The following RAB27A variants were observed in gnomAD, a reference collection of about 807,000 sequenced individuals.
The protein encoded by RAB27A is ras-related protein Rab-27A.
A neutral mutation model predicts 20.8 loss-of-function variants in RAB27A; 17 were observed. The observed-to-expected ratio is 0.82, with a 90% confidence interval of 0.56 to 1.23. The LOEUF is 1.23. RAB27A is among the 50% of genes most tolerant of loss of function. The pLI is 0.00. For synonymous variants in RAB27A, 85 were observed against 92.8 expected (o/e 0.92, Z 0.48); for missense variants, 277 against 266.7 (o/e 1.04, Z -0.27).
At chr15:55,297,733 G>C (rs914131912) in intron 2 of RAB27A, among the ~76,000 whole-genome samples, 13 of 152,180 alleles carry the variant, frequency 8.5e-5, no homozygotes, top group African/African-American at 3.1e-4. Flanking sequence ...CACAAATTAC[G>C]CAGCCAGCCC....
At chr15:55,267,549 T>C (rs1346897129) in intron 2 of RAB27A, among the ~76,000 whole-genome samples, 2 of 152,174 alleles carry the variant, frequency 1.3e-5, no homozygotes, top group Non-Finnish European at 2.9e-5. Context: ...AAATGTGCTG[T>C]TGCATAGACA....
At chr15:55,219,750 G>A (rs981110972) in intron 6 of RAB27A, among the ~76,000 whole-genome samples, 3 of 152,176 alleles carry the variant, frequency 2.0e-5, no homozygotes, top group Non-Finnish European at 4.4e-5. Flanking sequence ...GCTGGCAGGA[G>A]TGCAAATTTG....
intron 1 of RAB27A, among the ~76,000 whole-genome samples, chr15:55,285,732 G>C (rs1485488234): frequency 6.6e-6 from 1 of 152,106 alleles, no homozygotes; most frequent in Non-Finnish European, 1.5e-5. Context: ...CCCTTCTCAG[G>C]GGCCTGGCCA....
intron 2 of RAB27A, among the ~76,000 whole-genome samples, chr15:55,269,617 T>A (rs1897637104): frequency 6.6e-6 from 1 of 151,934 alleles, no homozygotes. Context: ...CATGGTAGCG[T>A]GGGGTCCCAG....
At chr15:55,262,938 C>A (rs7496857) in intron 2 of RAB27A, among the ~76,000 whole-genome samples, 1 of 151,938 alleles carries the variant, frequency 6.6e-6, no homozygotes, top group Non-Finnish European at 1.5e-5. Context: ...TTTATCAGGT[C>A]AAGGAAGTTC....
intron 2 of RAB27A, among the ~76,000 whole-genome samples, chr15:55,238,911 A>T (rs574537492): frequency 6.6e-6 from 1 of 152,332 alleles, no homozygotes; most frequent in African/African-American, 2.4e-5. Flanking sequence ...GTTGTTCAAA[A>T]GAATCTGGTT....
intron 2 of RAB27A, among the ~76,000 whole-genome samples, chr15:55,313,527 C>T (rs2055030015): frequency 6.6e-6 from 1 of 152,112 alleles, no homozygotes; most frequent in African/African-American, 2.4e-5. Flanking sequence ...TATTAGAATG[C>T]TTTAAGGAAC....
At chr15:55,281,540 C>G (rs1388768202) in intron 1 of RAB27A, among the ~76,000 whole-genome samples, 1 of 152,084 alleles carries the variant, frequency 6.6e-6, no homozygotes, top group Non-Finnish European at 1.5e-5. Context: ...AGTAAAACCC[C>G]ATCTCTATTA....
At chr15:55,306,305 T>A (rs943766123) in intron 2 of RAB27A, among the ~76,000 whole-genome samples, 1 of 152,100 alleles carries the variant, frequency 6.6e-6, no homozygotes, top group African/African-American at 2.4e-5. Context: ...TGGCCTTAAG[T>A]GCAGAGGGAG....
chr15:55,253,468 G>T (rs1426868201), intron 2 of RAB27A, among the ~76,000 whole-genome samples: 1 of 151,860 alleles, frequency 6.6e-6, no homozygotes, highest in African/African-American at 2.4e-5. Flanking sequence ...AAAAAGAAAG[G>T]CTCCCTAAGT....
chr15:55,315,404 C>T (rs1056105947), intron 1 of RAB27A, among the ~76,000 whole-genome samples: 5 of 152,076 alleles, frequency 3.3e-5, no homozygotes, highest in Admixed American at 1.3e-4. Context: ...AAGCCAAAAT[C>T]GACAAATGGG....
intron 5 of RAB27A, among the ~76,000 whole-genome samples, chr15:55,227,561 C>T (rs16976194): frequency 0.28 from 43,206 of 151,778 alleles, 7,251 homozygotes; most frequent in East Asian, 0.56. Flanking sequence ...GACTTGAGAA[C>T]GGGCAAAAAA....
chr15:55,209,569 C>A lies in RAB27A; in HGVS notation c.468-3864G>T, dbSNP rs181622014. On this transcript the variant is annotated intron_variant, in intron 6 of 6. Transcript: ENST00000336787. Reference sequence around the variant, plus strand: ...TGGGTAGATTGATTGCATATCTTAGCTCTTGTGGATAGTGCTGCAATAAAC... The same window carrying A: ...TGGGTAGATTGATTGCATATCTTAGATCTTGTGGATAGTGCTGCAATAAAC... Among the ~76,000 whole-genome samples, 138 of 152,018 alleles carry A rather than the reference C, an allele frequency of 9.1e-4. 1 individual carries two copies. The highest frequency in any genetic ancestry group is 3.2e-3 in the African/African-American group (134 of 41,428).
chr15:55,266,044 T>G (rs143555693), intron 2 of RAB27A, among the ~76,000 whole-genome samples: 1 of 152,244 alleles, frequency 6.6e-6, no homozygotes, highest in African/African-American at 2.4e-5. Flanking sequence ...GGCTCTAATG[T>G]TACCGACTGA....
intron 6 of RAB27A, among the ~76,000 whole-genome samples, chr15:55,207,671 G>C (rs1894717973): frequency 6.6e-6 from 1 of 152,026 alleles, no homozygotes; most frequent in African/African-American, 2.4e-5. Flanking sequence ...CGACTTTTTT[G>C]TTTTTGTTTT....
In RAB27A at chr15:55,203,581, AT is replaced by A. The variant is rs1278140713; in HGVS notation, c.*1925del. ...AGGTGCCCACCACCACGCCCAGCCC[AT>A]TTTTTTTTTTTTTTTTTTTTTAGTA... On this transcript the variant is annotated 3_prime_UTR_variant, in exon 7 of 7. Coordinates refer to ENST00000336787, the MANE Select transcript of RAB27A (RefSeq NM_183235.3). 1,139 of 128,566 alleles carry A rather than the reference AT, an allele frequency of 8.9e-3. 6 individuals carry two copies. Among genetic ancestry groups the A allele is most frequent in the Non-Finnish European group, 0.013 (774 of 58,164 alleles). 8.0% of individuals were successfully genotyped at this position (128,566 alleles called of 1,614,324 possible).
intron 6 of RAB27A, among the ~76,000 whole-genome samples, chr15:55,209,219 T>C (rs1894801119): frequency 6.6e-6 from 1 of 152,172 alleles, no homozygotes; most frequent in South Asian, 2.1e-4. Flanking sequence ...TACTGATCCT[T>C]CTAACACTAC....
chr15:55,228,762 A>C (rs1466183896), intron 4 of RAB27A, 50 bp from the exon 5 acceptor site: 1 of 1,327,222 alleles, frequency 7.5e-7, no homozygotes. Flanking sequence ...CCCACTCCTG[A>C]AATATAAAAC....
chr15:55,295,466 G>A (rs2054944958), intron 2 of RAB27A, among the ~76,000 whole-genome samples: 1 of 152,124 alleles, frequency 6.6e-6, no homozygotes, highest in African/African-American at 2.4e-5. Context: ...ACCAAGGAAT[G>A]AATAAACAAA....
Sources: allele counts gnomAD v4.1 joint callset (sites outside exome capture counted in the v4.1 genomes callset), GRCh38; gene constraint gnomAD v4.1.1; transcripts MANE v1.5; gene names NCBI Gene and HGNC (gene_info 2026-07-23, HGNC 2026-07-21).